The following ANKRD18A variants were observed in gnomAD, a reference collection of about 807,000 sequenced individuals.
ANKRD18A encodes ankyrin repeat domain-containing protein 18A.
A neutral mutation model predicts 110.6 loss-of-function variants in ANKRD18A; 72 were observed. The ratio of observed to expected loss-of-function variants is 0.65; its 90% CI spans 0.54 to 0.79. The LOEUF (loss-of-function observed/expected upper bound fraction) is 0.79. Ranked by LOEUF, ANKRD18A falls within the 30% of genes least tolerant of loss-of-function variation. ANKRD18A has a pLI of 0.00. For missense variants in ANKRD18A, 934 were observed against 1,163.3 expected, an observed-to-expected ratio of 0.80 and a Z score of 2.87; for synonymous variants, 305 against 410.3, an observed-to-expected ratio of 0.74 and a Z score of 3.10.
At chr9:38,581,637 T>A (rs1440963280) in intron 12 of ANKRD18A, among the ~76,000 whole-genome samples, 1 of 152,216 alleles carries the variant, frequency 6.6e-6, no homozygotes, top group Non-Finnish European at 1.5e-5. Context: ...CAGCATACTT[T>A]GAGTGTTAAG....
At chr9:38,596,906 A>G (rs1055587816) in intron 8 of ANKRD18A, among the ~76,000 whole-genome samples, 58 of 152,172 alleles carry the variant, frequency 3.8e-4, no homozygotes, top group African/African-American at 1.3e-3. Flanking sequence ...TAGTTGTAAG[A>G]ATTACATTTA....
At chr9:38,592,545 G>A (rs1219513589) in intron 10 of ANKRD18A, among the ~76,000 whole-genome samples, 4 of 152,178 alleles carry the variant, frequency 2.6e-5, no homozygotes, top group Non-Finnish European at 5.9e-5. Context: ...GGTAAAACTG[G>A]TGCTGATATC....
At chr9:38,586,137 C>T (rs1365232392) in intron 12 of ANKRD18A, 46 bp downstream of exon 12, 1 of 1,513,230 alleles carries the variant, frequency 6.6e-7, no homozygotes, top group Non-Finnish European at 8.9e-7. Context: ...ACCTCTTACA[C>T]ATGTAATCTA....
chr9:38,598,209 G>T (rs1824971666), intron 8 of ANKRD18A, among the ~76,000 whole-genome samples: 2 of 152,210 alleles, frequency 1.3e-5, no homozygotes, highest in East Asian at 1.9e-4. Flanking sequence ...ACAGAAAAAA[G>T]AATCTAGACA....
intron 15 of ANKRD18A, 163 bp from the exon 16 acceptor site, chr9:38,572,222 C>T (rs1341454317): frequency 3.5e-5 from 17 of 488,548 alleles, no homozygotes; most frequent in Admixed American, 2.2e-4. Context: ...TTACACATGG[C>T]GTTAATTCCA....
intron 3 of ANKRD18A, among the ~76,000 whole-genome samples, chr9:38,614,219 GTTTTTTTTTT>G (rs58955752): frequency 4.4e-5 from 3 of 68,806 alleles, no homozygotes; most frequent in Non-Finnish European, 7.8e-5. Context: ...GAACACTGAG[GTTTTTTTTTT>G]TTTTTTTTTT....
At chr9:38,575,448 C>A (rs1386656520) in intron 15 of ANKRD18A, 28 bp downstream of exon 15, 1 of 1,520,382 alleles carries the variant, frequency 6.6e-7, no homozygotes. Flanking sequence ...GAAATGAAAC[C>A]CAAAAGAGAA....
chr9:38,590,515 G>C (rs940295098), intron 10 of ANKRD18A, among the ~76,000 whole-genome samples: 3 of 152,158 alleles, frequency 2.0e-5, no homozygotes, highest in African/African-American at 7.2e-5. Flanking sequence ...GCCTCCCAAA[G>C]TGTTGGGATT....
chr9:38,588,740 A>C, intron 10 of ANKRD18A, 77 bp from the exon 11 acceptor site: 1 of 982,264 alleles, frequency 1.0e-6, no homozygotes, highest in Non-Finnish European at 1.3e-6. Context: ...ATTTCTCATA[A>C]GTTGATGAAT....
Position 38,607,983 on chromosome 9 carries a change from A to G in ANKRD18A, c.741-490T>C, listed in dbSNP as rs577253205. On this transcript the variant is annotated intron_variant, in intron 5 of 15. Transcript: ENST00000399703. ...TTGCTGAAACCATTTTGGAATCTCA[A>G]ATAAAACCTGATGAGTGTTTTTCCA... 3.9e-5 allele frequency among the ~76,000 whole-genome samples: 6 copies of G among 152,346 alleles called. No homozygotes were observed. The East Asian group carries it at 7.7e-4, about 20-fold the overall frequency.
At chr9:38,615,343 G>C (rs889863348) in intron 3 of ANKRD18A, among the ~76,000 whole-genome samples, 2 of 151,966 alleles carry the variant, frequency 1.3e-5, no homozygotes, top group African/African-American at 4.8e-5. Context: ...AATACACCTG[G>C]GGTAGGAAAC....
At position 38,575,706 on chromosome 9, in the gene ANKRD18A, G is replaced by C; in HGVS notation, c.2742-8C>G. 1 of 1,543,302 alleles carries C rather than the reference G, an allele frequency of 6.5e-7. No homozygotes were observed. Among genetic ancestry groups the C allele is most frequent in the Non-Finnish European group, 8.7e-7 (1 of 1,143,594 alleles). ...GCTATTTTCTTATCCGATCTGTAAA[G>C]AGAGCAAAGACAAATGCTTAGTATT... On this transcript the variant is annotated splice_region_variant and splice_polypyrimidine_tract_variant and intron_variant, in intron 14 of 15. Coordinates refer to ENST00000399703, the MANE Select transcript of ANKRD18A (RefSeq NM_147195.4).
intron 12 of ANKRD18A, among the ~76,000 whole-genome samples, 156 bp downstream of exon 12, chr9:38,586,027 A>G (rs1563959937): frequency 1.3e-5 from 2 of 152,202 alleles, no homozygotes; most frequent in Admixed American, 6.5e-5. Context: ...GGAGAGCATC[A>G]AGATTAATAG....
Position 38,601,753 on chromosome 9 carries a change from G to C in ANKRD18A, c.863-549C>G, listed in dbSNP as rs374584199. Among the ~76,000 whole-genome samples, 18 of 152,204 alleles carry C rather than the reference G, an allele frequency of 1.2e-4. No homozygotes were observed. The East Asian group carries it at 2.3e-3, about 20-fold the overall frequency. The stretch of plus-strand genomic sequence containing the variant: ...CACCTGTAATCCCAGCACTTTGGAA[G>C]GCCCAGGTGGGATAACTGCTTGAAG... On this transcript the variant is annotated intron_variant, in intron 7 of 15. Transcript: ENST00000399703.
chr9:38,586,553 GGT>G (rs1491227027), intron 11 of ANKRD18A, among the ~76,000 whole-genome samples: 1 of 151,136 alleles, frequency 6.6e-6, no homozygotes, highest in African/African-American at 2.4e-5. Flanking sequence ...TACAGTTTTT[GGT>G]TTTTTTTTTG....
chr9:38,577,154 C>A lies in ANKRD18A; in HGVS notation c.2640G>T (p.Met880Ile), dbSNP rs1422769724. The change falls in exon 14 of 16, where the codon ATG becomes ATT. Residue 880 changes from methionine (M) to isoleucine (I), a missense_variant. By Grantham distance (10) the Met-to-Ile change is conservative. Transcript: ENST00000399703. ...TTGTAACCTCTTCATAAGCAGTTTT[C>A]ATTTTGGAGAATTTACATTCCACAT... Reference protein sequence around the residue: ...LKDVECKFSKMKTAYEEVTTE... With the variant: ...LKDVECKFSKIKTAYEEVTTE... 4 of 1,549,274 alleles carry A rather than the reference C, an allele frequency of 2.6e-6. No homozygotes were observed. In the African/African-American group the frequency reaches 5.5e-5, roughly 21 times the overall value.
intron 10 of ANKRD18A, among the ~76,000 whole-genome samples, chr9:38,589,867 A>G (rs1380833650): frequency 6.6e-6 from 1 of 152,146 alleles, no homozygotes; most frequent in Non-Finnish European, 1.5e-5. Flanking sequence ...AGAACTCCTA[A>G]TATCTCAAAA....
In ANKRD18A at chr9:38,586,212, C is replaced by T. The variant is rs1323907348; in HGVS notation, c.2218G>A (p.Asp740Asn). ...GDLNTDQLKM[D>N]ILFKKLKQKF... ...TGTTTTAGCTTCTTAAACAGAATATCCATTTTCAGTTGGTCTGTATTTAAG... is the reference window on the plus strand; with the variant it reads ...TGTTTTAGCTTCTTAAACAGAATATTCATTTTCAGTTGGTCTGTATTTAAG... The change falls in exon 12 of 16, where the codon GAT becomes AAT. Residue 740 changes from aspartate to asparagine, a missense_variant. Asp to Asn is a conservative substitution (Grantham distance 23, BLOSUM62 1). Around this residue, in one of 4 missense-constraint regions of ANKRD18A, gnomAD observed 79 missense variants for 122.8 expected, o/e 0.64. Transcript: ENST00000399703. 1 of 1,609,694 alleles carries T rather than the reference C, an allele frequency of 6.2e-7. No individual in the cohort carries two copies. The highest frequency in any genetic ancestry group is 2.2e-5 in the East Asian group (1 of 44,730).
downstream of ANKRD18A, chr9:38,567,098 C>G (rs646116): frequency 2.0e-5 from 3 of 152,216 alleles, no homozygotes; most frequent in Admixed American, 2.0e-4. Flanking sequence ...AGCATATACA[C>G]GAAAATATTC....
Sources: allele counts gnomAD v4.1 joint callset (sites outside exome capture counted in the v4.1 genomes callset), GRCh38; gene constraint gnomAD v4.1.1; regional missense constraint gnomAD v4.1.1; transcripts MANE v1.5; gene names NCBI Gene and HGNC (gene_info 2026-07-23, HGNC 2026-07-21).